Variants in PCDHGA7 observed in about 807,000 individuals in gnomAD.
PCDHGA7 encodes protocadherin gamma-A7.
In PCDHGA7, 44 loss-of-function variants were observed where a neutral mutation model predicts 58.3. That is an observed-to-expected ratio of 0.75 (90% CI 0.59 to 0.97). PCDHGA7 has a LOEUF of 0.97. Among genes scored for constraint, PCDHGA7 ranks in the 50% least tolerant of loss-of-function variants. PCDHGA7 has a pLI of 0.00. For synonymous variants in PCDHGA7, 516 were observed against 504.2 expected (o/e 1.02, Z -0.31); for missense variants, 1,266 against 1,188.7 (o/e 1.06, Z -0.96).
At chr5:141,420,412 T>G in intron 1 of PCDHGA7, 1 of 1,225,004 alleles carries the variant, frequency 8.2e-7, no homozygotes, top group African/African-American at 1.6e-5. Flanking sequence ...TGGTTATCAT[T>G]ATTAAAACAA....
chr5:141,392,690 G>T, intron 1 of PCDHGA7: 1 of 1,127,490 alleles, frequency 8.9e-7, no homozygotes, highest in Non-Finnish European at 1.2e-6. Flanking sequence ...AGCGAAACCC[G>T]ACCCCTGTTT....
chr5:141,399,084 T>C (rs752476131), intron 1 of PCDHGA7: 2 of 1,613,796 alleles, frequency 1.2e-6, no homozygotes, highest in South Asian at 1.1e-5. Context: ...AAGGGAGGGA[T>C]GGTGGTGGAC....
rs1264688160 is a variant in PCDHGA7, at chr5:141,493,193, G to A, written c.2425-1614G>A. 6.6e-6 allele frequency among the ~76,000 whole-genome samples: 1 copy of A among 152,128 alleles called. No individual in the cohort carries two copies. On this transcript the variant is annotated intron_variant, in intron 1 of 3. Transcript: ENST00000518325. This position sits in a 1 kb window ranked among gnomAD's most constrained non-coding sequence, Gnocchi z 4.3. ...GAGAAACTTACTATATAACTCCTTT[G>A]AGAACCTCATCTCATTTGCTCTTCC...
intron 1 of PCDHGA7, chr5:141,413,580 A>G (rs1216926250): frequency 5.0e-6 from 8 of 1,613,804 alleles, no homozygotes; most frequent in Non-Finnish European, 1.7e-6. Context: ...ACAATGCTCC[A>G]AAATTCCAAG....
At chr5:141,386,383 A>C (rs980668572) in intron 1 of PCDHGA7, among the ~76,000 whole-genome samples, 5 of 152,206 alleles carry the variant, frequency 3.3e-5, no homozygotes, top group Admixed American at 2.6e-4. Context: ...GTATTAATTA[A>C]AAACACACTT....
intron 1 of PCDHGA7, chr5:141,408,896 GT>G: frequency 6.2e-7 from 1 of 1,613,328 alleles, no homozygotes; most frequent in Non-Finnish European, 8.5e-7. Context: ...AGAAATTTCT[GT>G]CAAGGATACC....
In PCDHGA7 at chr5:141,399,258, G is replaced by T; in HGVS notation, c.2424+13935G>T. On this transcript the variant is annotated intron_variant, in intron 1 of 3. Coordinates refer to ENST00000518325, the MANE Select transcript of PCDHGA7 (RefSeq NM_018920.4). ...ACCAAGATTCTGGGGAAAATGGGGA[G>T]GTTAATTGTCAATTACAAGGCGAAG... 4 of 1,613,870 alleles carry T rather than the reference G, an allele frequency of 2.5e-6. No homozygotes were observed. Among genetic ancestry groups the T allele is most frequent in the East Asian group, 2.2e-5 (1 of 44,878 alleles).
Position 141,490,202 on chromosome 5 carries a change from G to A in PCDHGA7, c.2425-4605G>A, listed in dbSNP as rs1594889134. On this transcript the variant is annotated intron_variant, in intron 1 of 3. Coordinates refer to ENST00000518325, the MANE Select transcript of PCDHGA7 (RefSeq NM_018920.4). The surrounding 1 kb of genome is among the most constrained non-coding windows in gnomAD (Gnocchi z 5.4). ...TCACGTTTCTATGAAATTCATGCAA[G>A]AGCCCGTGACCAGGGACAGCCTGCC... 1.2e-6 allele frequency: 2 copies of A among 1,614,220 alleles called. No homozygotes were observed. The highest frequency in any genetic ancestry group is 2.7e-5 in the African/African-American group (2 of 75,060).
At chr5:141,434,194 GTACT>G (rs527775432) in intron 1 of PCDHGA7, among the ~76,000 whole-genome samples, 169 of 152,308 alleles carry the variant, frequency 1.1e-3, no homozygotes, top group African/African-American at 3.9e-3. Flanking sequence ...TAATTCCAAT[GTACT>G]TACTTCTGTC....
In PCDHGA7 at chr5:141,404,772, G is replaced by A. The variant is rs764262966; in HGVS notation, c.2424+19449G>A. On this transcript the variant is annotated intron_variant, in intron 1 of 3. Transcript: ENST00000518325. ...GGCCAGAATGCTTGGCTCTCCTACC[G>A]CCTATTCAAGGCCAGTGAGCCAGGG... The A allele has an allele frequency of 9.9e-6, 16 of 1,613,820 alleles. No individual in the cohort carries two copies. The highest frequency in any genetic ancestry group is 5.0e-5 in the Admixed American group (3 of 60,000).
intron 1 of PCDHGA7, chr5:141,394,218 G>C: frequency 6.2e-7 from 1 of 1,613,918 alleles, no homozygotes; most frequent in Non-Finnish European, 8.5e-7. Context: ...CCTGAGAGGA[G>C]CCTCCATCTT....
At chr5:141,398,580 A>G in intron 1 of PCDHGA7, 1 of 1,614,044 alleles carries the variant, frequency 6.2e-7, no homozygotes, top group Non-Finnish European at 8.5e-7. Context: ...CTGGCACAAG[A>G]TTTATACTAG....
In PCDHGA7 at chr5:141,431,213, TTCCC is replaced by T. The variant is rs1373533151; in HGVS notation, c.2424+45893_2424+45896del. 1 of 1,614,142 alleles carries T rather than the reference TTCCC, an allele frequency of 6.2e-7. No homozygotes were observed. Among genetic ancestry groups the T allele is most frequent in the Admixed American group, 1.7e-5 (1 of 60,020 alleles). On this transcript the variant is annotated intron_variant, in intron 1 of 3. Transcript: ENST00000518325. This position sits in a 1 kb window ranked among gnomAD's most constrained non-coding sequence, Gnocchi z 4.8. ...TGAAAATGCAGCCACTGAGATGCGGTTCCCTCTACCCCACGCCTGGGATCCGGAT... is the reference window on the plus strand; with the variant it reads ...TGAAAATGCAGCCACTGAGATGCGGTTCTACCCCACGCCTGGGATCCGGAT...
intron 1 of PCDHGA7, chr5:141,389,060 A>G (rs1164665785): frequency 3.7e-6 from 6 of 1,614,010 alleles, no homozygotes; most frequent in Non-Finnish European, 4.2e-6. Context: ...CATTTAAAAT[A>G]TTAACTTCTT....
intron 1 of PCDHGA7, chr5:141,419,244 C>T (rs2096349736): frequency 1.2e-6 from 2 of 1,614,008 alleles, no homozygotes; most frequent in Non-Finnish European, 1.7e-6. Context: ...GTCCACGTGC[C>T]AGAAAACAAC....
chr5:141,443,104 C>A (rs950011995), intron 1 of PCDHGA7, among the ~76,000 whole-genome samples: 1 of 151,854 alleles, frequency 6.6e-6, no homozygotes, highest in East Asian at 1.9e-4. Flanking sequence ...TCAAGCTGAA[C>A]CTTGCTTTTC....
chr5:141,431,700 TC>T lies in PCDHGA7; in HGVS notation c.2424+46378del. On this transcript the variant is annotated intron_variant, in intron 1 of 3. Coordinates refer to ENST00000518325, the MANE Select transcript of PCDHGA7 (RefSeq NM_018920.4). The surrounding 1 kb of genome is among the most constrained non-coding windows in gnomAD (Gnocchi z 4.8). ...GAGTTGGACCACGAGGAGTCAGGAT[TC>T]TACCAGATGGAAGTGCAAGCAATGG... 6.2e-7 allele frequency: 1 copy of T among 1,614,218 alleles called. No individual in the cohort carries two copies.
intron 1 of PCDHGA7, among the ~76,000 whole-genome samples, chr5:141,446,153 AT>A (rs1158236808): frequency 1.3e-5 from 2 of 152,362 alleles, no homozygotes; most frequent in East Asian, 3.9e-4. Flanking sequence ...TAGGTGGAAT[AT>A]AAATTTCATG....
intron 1 of PCDHGA7, chr5:141,412,160 G>T (rs952899384): frequency 2.0e-5 from 3 of 152,212 alleles, no homozygotes; most frequent in Middle Eastern, 3.2e-3. Flanking sequence ...TAAGAGAAGA[G>T]ATTATTTATA....
Sources: allele counts gnomAD v4.1 joint callset (sites outside exome capture counted in the v4.1 genomes callset), GRCh38; gene constraint gnomAD v4.1.1; non-coding constraint Gnocchi (gnomAD v3.1); transcripts MANE v1.5; gene names NCBI Gene and HGNC (gene_info 2026-07-23, HGNC 2026-07-21).